Variants in DGKB observed in about 807,000 individuals in gnomAD.
DGKB encodes the protein diacylglycerol kinase beta.
In DGKB, 67 loss-of-function variants were observed where a neutral mutation model predicts 114.3. The ratio of observed to expected loss-of-function variants is 0.59; its 90% CI spans 0.48 to 0.72. The LOEUF (loss-of-function observed/expected upper bound fraction) is 0.72, where lower values mean the gene tolerates loss of function less well. Among genes scored for constraint, DGKB ranks in the 30% least tolerant of loss-of-function variants. The pLI is 0.00. For synonymous variants in DGKB, 398 were observed against 323.1 expected, an observed-to-expected ratio of 1.23 and a Z score of -2.49; for missense variants, 907 against 975.2, an observed-to-expected ratio of 0.93 and a Z score of 0.93.
At chr7:14,934,453 A>C (rs1785178669) in intron 1 of DGKB, among the ~76,000 whole-genome samples, 1 of 152,148 alleles carries the variant, frequency 6.6e-6, no homozygotes, top group Admixed American at 6.6e-5. Flanking sequence ...GACATACTAT[A>C]ATCTCATTGA....
At chr7:14,509,249 A>G (rs1017883566) in intron 20 of DGKB, among the ~76,000 whole-genome samples, 8 of 152,146 alleles carry the variant, frequency 5.3e-5, no homozygotes, top group African/African-American at 1.9e-4. Context: ...ACTGTGGGAA[A>G]GAGAGTTTCT....
At chr7:14,617,910 C>T (rs1215212128) in intron 15 of DGKB, among the ~76,000 whole-genome samples, 1 of 151,580 alleles carries the variant, frequency 6.6e-6, no homozygotes, top group Non-Finnish European at 1.5e-5. Context: ...GACTCTTAGC[C>T]CTGATCTTTC....
At chr7:14,524,500 A>T (rs1414370646) in intron 20 of DGKB, among the ~76,000 whole-genome samples, 1 of 152,216 alleles carries the variant, frequency 6.6e-6, no homozygotes. Context: ...TCATGCCTGT[A>T]ATCCCAGGAC....
Position 14,221,127 on chromosome 7 carries a change from A to T in DGKB, c.2123-42976T>A, listed in dbSNP as rs117200774. 8.6e-5 allele frequency among the ~76,000 whole-genome samples: 13 copies of T among 151,396 alleles called. No individual in the cohort carries two copies. In the East Asian group the frequency reaches 2.5e-3, roughly 29 times the overall value. The stretch of plus-strand genomic sequence containing the variant: ...TTATGTGCAAATAGAAATAGTTTTA[A>T]TTCTTCCTTTTCAATCTGATGCCTT... On this transcript the variant is annotated intron_variant, in intron 23 of 25. Coordinates refer to ENST00000402815, the MANE Select transcript of DGKB (RefSeq NM_001350709.2).
intron 21 of DGKB, among the ~76,000 whole-genome samples, chr7:14,462,586 A>G (rs537375662): frequency 6.6e-6 from 1 of 152,256 alleles, no homozygotes; most frequent in South Asian, 2.1e-4. Context: ...TCAGGGAAAT[A>G]GGAGAGGACA....
chr7:14,629,185 T>C (rs865810245), intron 14 of DGKB, among the ~76,000 whole-genome samples: 29 of 152,036 alleles, frequency 1.9e-4, no homozygotes, highest in Admixed American at 9.2e-4. Flanking sequence ...TAATAAACTG[T>C]CCTAATACTT....
chr7:14,809,719 T>G (rs1034599590), intron 2 of DGKB, among the ~76,000 whole-genome samples: 1 of 152,122 alleles, frequency 6.6e-6, no homozygotes, highest in Non-Finnish European at 1.5e-5. Context: ...AATAATTCAG[T>G]GCCAATGGTG....
chr7:14,427,143 G>A (rs187694312), intron 21 of DGKB, among the ~76,000 whole-genome samples: 1 of 152,006 alleles, frequency 6.6e-6, no homozygotes, highest in African/African-American at 2.4e-5. Flanking sequence ...ATGCATATGG[G>A]GCTTAATACC....
rs1784070651 is a variant in DGKB at position 14,190,022 on chromosome 7, A to G, written c.2123-11871T>C. Among the ~76,000 whole-genome samples, 6 of 152,196 alleles carry G rather than the reference A, an allele frequency of 3.9e-5. No individual in the cohort carries two copies. The South Asian group carries it at 1.2e-3, about 31-fold the overall frequency. On this transcript the variant is annotated intron_variant, in intron 23 of 25. Transcript: ENST00000402815. ...CAAAAAATCAACAAAGAAACATTGG[A>G]CTTACACTGCACCATAGACCAAATG...
intron 6 of DGKB, among the ~76,000 whole-genome samples, chr7:14,703,063 A>AAATG (rs869074289): frequency 1.8e-4 from 15 of 82,166 alleles, no homozygotes; most frequent in African/African-American, 5.0e-4. Context: ...GTCAATAAAT[A>AAATG]AAATGCAGAA....
At chr7:14,370,021 C>A (rs1010359113) in intron 21 of DGKB, among the ~76,000 whole-genome samples, 4 of 152,154 alleles carry the variant, frequency 2.6e-5, no homozygotes, top group Non-Finnish European at 5.9e-5. Flanking sequence ...AGGCTTTGTC[C>A]ATGCCTATGT....
intron 22 of DGKB, among the ~76,000 whole-genome samples, chr7:14,342,741 G>A (rs1811813908): frequency 6.6e-6 from 1 of 151,794 alleles, no homozygotes; most frequent in Non-Finnish European, 1.5e-5. Flanking sequence ...GCATTGTTTA[G>A]CATCACCTGT....
At chr7:14,797,274 AG>A (rs750186644) in intron 2 of DGKB, among the ~76,000 whole-genome samples, 58 of 152,268 alleles carry the variant, frequency 3.8e-4, no homozygotes, top group Non-Finnish European at 7.4e-4. Context: ...CTTGAATGAA[AG>A]GTAGTCCAGG....
chr7:14,544,984 A>G (rs904912178), intron 20 of DGKB, among the ~76,000 whole-genome samples: 1 of 151,414 alleles, frequency 6.6e-6, no homozygotes, highest in South Asian at 2.1e-4. Flanking sequence ...TGATGCCAAA[A>G]TGTTTTTTTT....
intron 21 of DGKB, among the ~76,000 whole-genome samples, chr7:14,372,644 T>C (rs1469618): frequency 0.56 from 84,274 of 151,780 alleles, 24,138 homozygotes; most frequent in East Asian, 0.65. Flanking sequence ...CAGATGATGA[T>C]TTCTTAAAGT....
At chr7:14,801,593 T>G (rs1842149677) in intron 2 of DGKB, among the ~76,000 whole-genome samples, 1 of 152,126 alleles carries the variant, frequency 6.6e-6, no homozygotes, top group African/African-American at 2.4e-5. Context: ...TCCCTTTTTT[T>G]TCTGCCTGCC....
intron 21 of DGKB, among the ~76,000 whole-genome samples, chr7:14,470,279 T>C (rs1244630023): frequency 6.6e-6 from 1 of 151,912 alleles, no homozygotes; most frequent in African/African-American, 2.4e-5. Flanking sequence ...AACATTTAAC[T>C]TTTAATTTCA....
intron 21 of DGKB, among the ~76,000 whole-genome samples, chr7:14,431,270 T>A (rs1459595077): frequency 1.3e-5 from 2 of 152,174 alleles, no homozygotes; most frequent in African/African-American, 4.8e-5. Context: ...GTGTAACTTT[T>A]AACACCTTTT....
chr7:14,831,358 A>C (rs1846386323), intron 2 of DGKB, among the ~76,000 whole-genome samples: 1 of 151,952 alleles, frequency 6.6e-6, no homozygotes, highest in Non-Finnish European at 1.5e-5. Flanking sequence ...GTTTCTGTAC[A>C]TTTCACAAGC....
Sources: gnomAD v4.1 joint callset for allele counts (sites outside exome capture counted in the v4.1 genomes callset) on GRCh38, gnomAD v4.1.1 for gene constraint, MANE v1.5 for transcripts, NCBI Gene and HGNC (gene_info 2026-07-23, HGNC 2026-07-21) for gene names.